Variants in LDB2 observed in about 807,000 individuals in gnomAD.
LDB2 encodes LIM domain binding 2.
Under a neutral mutation model 44.3 loss-of-function variants are expected in LDB2, and 12 were observed. That is an observed-to-expected ratio of 0.27 (90% CI 0.17 to 0.44). The LOEUF (loss-of-function observed/expected upper bound fraction) is 0.44. LDB2 is among the 20% of genes least tolerant of loss of function. LDB2 has a pLI of 1.00. For missense variants in LDB2, 344 were observed against 473.5 expected (o/e 0.73, Z 2.54); for synonymous variants, 164 against 174.8 (o/e 0.94, Z 0.49).
chr4:16,636,760 T>C (rs1733722300), intron 2 of LDB2, among the ~76,000 whole-genome samples: 1 of 152,130 alleles, frequency 6.6e-6, no homozygotes, highest in South Asian at 2.1e-4. Flanking sequence ...TTTTTTAAAT[T>C]TGTAATTTAT....
At chr4:16,881,194 C>A (rs560379142) in intron 1 of LDB2, among the ~76,000 whole-genome samples, 1 of 152,190 alleles carries the variant, frequency 6.6e-6, no homozygotes, top group Non-Finnish European at 1.5e-5. Flanking sequence ...GGAGAGGCAG[C>A]GGAGCTGACA....
At chr4:16,759,377 T>G (rs938594190) in intron 1 of LDB2, 117 bp from the exon 2 acceptor site, 1 of 715,930 alleles carries the variant, frequency 1.4e-6, no homozygotes, top group South Asian at 1.7e-5. Flanking sequence ...TTCGCGTATG[T>G]GTGTAGGTGT....
At chr4:16,508,476 C>T in intron 7 of LDB2, 59 bp downstream of exon 7, 1 of 1,351,578 alleles carries the variant, frequency 7.4e-7, no homozygotes, top group Non-Finnish European at 9.7e-7. Flanking sequence ...TTAATTTGGG[C>T]CCTTTGAGTA....
intron 1 of LDB2, among the ~76,000 whole-genome samples, chr4:16,822,886 CA>C (rs1782365549): frequency 1.3e-5 from 2 of 152,258 alleles, no homozygotes; most frequent in South Asian, 4.2e-4. Context: ...CTACATATTC[CA>C]TGTCTATTAG....
At position 16,522,646 on chromosome 4, in the gene LDB2, T is replaced by G. The variant is rs149528893; in HGVS notation, c.616-10542A>C. ...ACAACTCTATGTATCTCTGTATATA[T>G]AGAGAGAAATGTAAATATACACACA... On this transcript the variant is annotated intron_variant, in intron 5 of 7. Coordinates refer to ENST00000304523, the MANE Select transcript of LDB2 (RefSeq NM_001290.5). 3.2e-3 allele frequency among the ~76,000 whole-genome samples: 482 copies of G among 152,298 alleles called. 6 individuals are homozygous for G. Among genetic ancestry groups the G allele is most frequent in the African/African-American group, 0.011 (444 of 41,556 alleles).
At chr4:16,786,168 A>G (rs940176232) in intron 1 of LDB2, among the ~76,000 whole-genome samples, 2 of 152,212 alleles carry the variant, frequency 1.3e-5, no homozygotes. Context: ...TATATCCACC[A>G]TGATCCACAG....
chr4:16,641,474 T>A (rs12642228), intron 2 of LDB2, among the ~76,000 whole-genome samples: 11,942 of 152,156 alleles, frequency 0.078, 667 homozygotes, highest in East Asian at 0.26. Context: ...GGCATGGGTA[T>A]CTTCTCTGCT....
intron 1 of LDB2, among the ~76,000 whole-genome samples, chr4:16,821,553 T>TTC: frequency 6.7e-6 from 1 of 150,024 alleles, no homozygotes; most frequent in Middle Eastern, 3.4e-3. Flanking sequence ...CCAGCTAATT[T>TTC]TTTTTTTTTG....
intron 1 of LDB2, among the ~76,000 whole-genome samples, chr4:16,868,469 T>C (rs560758302): frequency 2.0e-5 from 3 of 152,282 alleles, no homozygotes; most frequent in Admixed American, 2.0e-4. Flanking sequence ...GTCAGAGTCA[T>C]CACCCCCACC....
chr4:16,847,851 C>T (rs780431093), intron 1 of LDB2, among the ~76,000 whole-genome samples: 10 of 152,196 alleles, frequency 6.6e-5, no homozygotes, highest in East Asian at 1.9e-4. Flanking sequence ...TTCCTGACCT[C>T]GTGATCCACC....
chr4:16,852,620 C>G (rs1788515824), intron 1 of LDB2, among the ~76,000 whole-genome samples: 1 of 152,134 alleles, frequency 6.6e-6, no homozygotes, highest in Non-Finnish European at 1.5e-5. Flanking sequence ...CTTGCTTCAG[C>G]TTTTCCTAAT....
At chr4:16,718,989 G>A (rs77785710) in intron 2 of LDB2, among the ~76,000 whole-genome samples, 2,677 of 151,698 alleles carry the variant, frequency 0.018, 31 homozygotes, top group Non-Finnish European at 0.027. Flanking sequence ...ATGTTTACAC[G>A]TTGTAGCAAA....
intron 5 of LDB2, among the ~76,000 whole-genome samples, chr4:16,522,301 T>A (rs1482200087): frequency 6.6e-6 from 1 of 152,108 alleles, no homozygotes; most frequent in Admixed American, 6.6e-5. Context: ...TGTGTGTATG[T>A]ATGTACAGTT....
intron 3 of LDB2, among the ~76,000 whole-genome samples, 189 bp downstream of exon 3, chr4:16,595,514 C>T (rs1262972538): frequency 6.6e-6 from 1 of 152,106 alleles, no homozygotes. Context: ...GAATCTCATG[C>T]ACACATCTTA....
chr4:16,898,603 A>G lies in LDB2; in HGVS notation c.-118T>C, dbSNP rs1196833253. 3 of 897,488 alleles carry G rather than the reference A, an allele frequency of 3.3e-6. No homozygotes were observed. Among genetic ancestry groups the G allele is most frequent in the Admixed American group, 2.6e-5 (1 of 39,174 alleles). 55.6% of individuals were successfully genotyped at this position (897,488 alleles called of 1,614,324 possible). A position where few individuals can be genotyped will look rare whatever the true frequency, so the allele number is the denominator to read the frequency against. ...CACGCACACACGCTCACACACACAC[A>G]GAGGCAGGCAGGCAGGCAGGCTGAA... On this transcript the variant is annotated 5_prime_UTR_variant, in exon 1 of 8. Transcript: ENST00000304523.
rs71181181 is a variant in LDB2 at position 16,693,347 on chromosome 4, C to CTTTT, written c.235+65807_235+65810dup. Reference sequence around the variant, plus strand: ...CTACTTGTTCCCTAGAGCAATAGTTCTTTTTTTTTTTTTTTTTTTTTTGAG... The same window carrying CTTTT: ...CTACTTGTTCCCTAGAGCAATAGTTCTTTTTTTTTTTTTTTTTTTTTTTTTTGAG... On this transcript the variant is annotated intron_variant, in intron 2 of 7. Coordinates refer to ENST00000304523, the MANE Select transcript of LDB2 (RefSeq NM_001290.5). Among the ~76,000 whole-genome samples, 849 of 112,026 alleles carry CTTTT rather than the reference C, an allele frequency of 7.6e-3. 14 individuals carry two copies. The highest frequency in any genetic ancestry group is 9.8e-3 in the Non-Finnish European group (557 of 56,900). 73.5% of individuals were successfully genotyped at this position (112,026 alleles called of 152,430 possible).
intron 5 of LDB2, among the ~76,000 whole-genome samples, chr4:16,539,109 G>A (rs928960589): frequency 3.9e-5 from 6 of 152,176 alleles, no homozygotes; most frequent in African/African-American, 1.2e-4. Flanking sequence ...CAAGAGATAT[G>A]TATGTAGGGA....
intron 5 of LDB2, among the ~76,000 whole-genome samples, chr4:16,526,372 G>A (rs976868085): frequency 1.3e-5 from 2 of 152,138 alleles, no homozygotes; most frequent in Admixed American, 6.5e-5. Context: ...TCAGACCTTC[G>A]GTCTGGGAGT....
At chr4:16,878,409 G>A (rs1056014629) in intron 1 of LDB2, among the ~76,000 whole-genome samples, 1 of 152,090 alleles carries the variant, frequency 6.6e-6, no homozygotes, top group Admixed American at 6.6e-5. Context: ...ACCTTCCACG[G>A]CTAATCCATC....
Sources: gnomAD v4.1 joint callset for allele counts (sites outside exome capture counted in the v4.1 genomes callset) on GRCh38, gnomAD v4.1.1 for gene constraint, MANE v1.5 for transcripts, NCBI Gene and HGNC (gene_info 2026-07-23, HGNC 2026-07-21) for gene names.